Variants in SORBS2 observed in about 807,000 individuals in gnomAD.
The protein encoded by SORBS2 is sorbin and SH3 domain-containing protein 2.
A neutral mutation model predicts 97.7 loss-of-function variants in SORBS2; 46 were observed. The observed-to-expected ratio is 0.47, with a 90% CI of 0.37 to 0.60. The LOEUF is 0.60. SORBS2 is among the 20% of genes least tolerant of loss of function. The probability of loss-of-function intolerance (pLI) is 0.00; values close to 1 mark genes in which losing one functional copy is unlikely to be tolerated. For synonymous variants in SORBS2, 476 were observed against 473.4 expected (o/e 1.01, Z -0.07); for missense variants, 1,316 against 1,282.3 (o/e 1.03, Z -0.40).
In SORBS2 at chr4:185,651,779, C is replaced by A; in HGVS notation, c.91+883G>T. On this transcript the variant is annotated intron_variant, in intron 2 of 14. Transcript: ENST00000418609. ...AGTCATTGCGAGCAAGGAAACCCAT[C>A]CTACCTGCATTGTATGTATAAGGAG... 1 of 1,494,824 alleles carries A rather than the reference C, an allele frequency of 6.7e-7. No homozygotes were observed. Among genetic ancestry groups the A allele is most frequent in the Non-Finnish European group, 9.3e-7 (1 of 1,074,378 alleles). The allele number at this position is 1,494,824 out of a possible 1,614,324, so 92.6% of individuals were successfully genotyped here. A position where few individuals can be genotyped will look rare whatever the true frequency, so the allele number is the denominator to read the frequency against.
intron 2 of SORBS2, among the ~76,000 whole-genome samples, chr4:185,747,420 G>A (rs2098769116): frequency 6.6e-6 from 1 of 152,258 alleles, no homozygotes; most frequent in Admixed American, 6.5e-5. Context: ...ACGCTTGAGT[G>A]TAAGCATTAG....
At chr4:185,918,147 C>T (rs571325616) in intron 1 of SORBS2, 6 of 152,206 alleles carry the variant, frequency 3.9e-5, no homozygotes, top group African/African-American at 9.6e-5. Flanking sequence ...GAAAAAAAGA[C>T]AATACCTAAG....
intron 1 of SORBS2, among the ~76,000 whole-genome samples, chr4:185,919,684 C>T (rs2099260078): frequency 6.6e-6 from 1 of 152,198 alleles, no homozygotes; most frequent in Admixed American, 6.5e-5. Context: ...ATGCAATTAA[C>T]CCACTTCACC....
rs1028115992 is a variant in SORBS2 at position 185,690,561 on chromosome 4, C to T, written c.-197-11739G>A. 2.6e-6 allele frequency: 4 copies of T among 1,524,578 alleles called. No homozygotes were observed. Among genetic ancestry groups the T allele is most frequent in the Non-Finnish European group, 3.5e-6 (4 of 1,128,290 alleles). The allele number at this position is 1,524,578 out of a possible 1,614,324, so 94.4% of individuals were successfully genotyped here. A position where few individuals can be genotyped will look rare whatever the true frequency, so the allele number is the denominator to read the frequency against. On this transcript the variant is annotated intron_variant, in intron 2 of 20. Transcript: ENST00000284776. ...GAGTTTAAAACTAACAGACAGCATA[C>T]CTGTGTTCATTTTCACCTTGGAGAG...
At chr4:185,819,596 C>T (rs565182730) in intron 1 of SORBS2, among the ~76,000 whole-genome samples, 2 of 152,196 alleles carry the variant, frequency 1.3e-5, no homozygotes, top group Non-Finnish European at 2.9e-5. Flanking sequence ...CCTCTGCCAG[C>T]TCATGTCAGC....
intron 1 of SORBS2, among the ~76,000 whole-genome samples, chr4:185,898,951 A>G (rs549442463): frequency 3.9e-5 from 6 of 152,286 alleles, no homozygotes; most frequent in African/African-American, 1.4e-4. Context: ...TAATGGAACT[A>G]CACAAAACCT....
intron 1 of SORBS2, among the ~76,000 whole-genome samples, chr4:185,825,830 T>C (rs28446761): frequency 3.3e-5 from 5 of 152,154 alleles, no homozygotes; most frequent in South Asian, 2.1e-4. Flanking sequence ...GTTCTTTACA[T>C]TGGGCCTAAG....
At chr4:185,675,023 C>A (rs963111611) in intron 4 of SORBS2, 2 of 152,206 alleles carry the variant, frequency 1.3e-5, no homozygotes, top group African/African-American at 4.8e-5. Context: ...GTTACTAGAA[C>A]AGACTTGACA....
At chr4:185,807,809 T>C (rs2099163334) in intron 1 of SORBS2, among the ~76,000 whole-genome samples, 1 of 152,228 alleles carries the variant, frequency 6.6e-6, no homozygotes, top group South Asian at 2.1e-4. Context: ...ATATCCATAA[T>C]TAAATTGTTA....
intron 2 of SORBS2, among the ~76,000 whole-genome samples, chr4:185,651,176 A>C (rs1465194024): frequency 6.6e-6 from 1 of 152,222 alleles, no homozygotes; most frequent in Admixed American, 6.5e-5. Context: ...GATGAAGGGA[A>C]AAACATTTGT....
At chr4:185,688,591 G>C (rs1357652323) in intron 2 of SORBS2, among the ~76,000 whole-genome samples, 1 of 151,992 alleles carries the variant, frequency 6.6e-6, no homozygotes, top group South Asian at 2.1e-4. Flanking sequence ...AACTTGTGGG[G>C]CCACTTTATT....
intron 1 of SORBS2, among the ~76,000 whole-genome samples, chr4:185,780,798 G>T (rs1443027336): frequency 1.3e-5 from 2 of 152,186 alleles, no homozygotes; most frequent in African/African-American, 4.8e-5. Context: ...CTGGGTTGAG[G>T]TTTATCAAGT....
intron 2 of SORBS2, among the ~76,000 whole-genome samples, chr4:185,767,431 C>T (rs1274054919): frequency 3.1e-5 from 4 of 130,210 alleles, no homozygotes; most frequent in African/African-American, 1.2e-4. Flanking sequence ...ACCCGGGAGG[C>T]GGAGCTTGCA....
chr4:185,713,721 C>T (rs1196201755), intron 2 of SORBS2, among the ~76,000 whole-genome samples: 1 of 152,172 alleles, frequency 6.6e-6, no homozygotes, highest in Non-Finnish European at 1.5e-5. Flanking sequence ...TGAAACAAAT[C>T]GGTGCTTTAT....
At chr4:185,867,527 A>G (rs549771549) in intron 1 of SORBS2, among the ~76,000 whole-genome samples, 157 of 152,310 alleles carry the variant, frequency 1.0e-3, no homozygotes, top group Non-Finnish European at 2.0e-3. Flanking sequence ...CATCTATAAT[A>G]CAGTAGGTGG....
At chr4:185,683,088 G>T (rs937934365) in intron 2 of SORBS2, among the ~76,000 whole-genome samples, 1 of 151,990 alleles carries the variant, frequency 6.6e-6, no homozygotes, top group Non-Finnish European at 1.5e-5. Flanking sequence ...ACAAAAGAGG[G>T]CTGTTTTTAA....
chr4:185,638,482 G>A (rs1453977033), intron 4 of SORBS2, among the ~76,000 whole-genome samples: 2 of 152,124 alleles, frequency 1.3e-5, no homozygotes, highest in African/African-American at 2.4e-5. Flanking sequence ...CTGCGGCAGC[G>A]AGACTGGGTC....
intron 4 of SORBS2, among the ~76,000 whole-genome samples, chr4:185,641,919 T>C (rs1228220516): frequency 6.6e-6 from 1 of 152,186 alleles, no homozygotes; most frequent in Non-Finnish European, 1.5e-5. Context: ...TTTTAGTGTT[T>C]TCTATAATTT....
chr4:185,622,000 C>T (rs914165363), intron 7 of SORBS2, among the ~76,000 whole-genome samples: 18 of 152,256 alleles, frequency 1.2e-4, no homozygotes, highest in African/African-American at 4.1e-4. Flanking sequence ...ACTTTCAGCC[C>T]GGAATGTTCA....
Sources: allele counts gnomAD v4.1 joint callset (sites outside exome capture counted in the v4.1 genomes callset), GRCh38; gene constraint gnomAD v4.1.1; transcripts MANE v1.5; gene names NCBI Gene and HGNC (gene_info 2026-07-23, HGNC 2026-07-21).